The following PCID2 variants were observed in gnomAD, a reference collection of about 807,000 sequenced individuals.
PCID2 encodes PCI domain-containing protein 2.
Under a neutral mutation model 61.3 loss-of-function variants are expected in PCID2, and 41 were observed. The observed-to-expected ratio is 0.67, with a 90% CI of 0.52 to 0.87. The LOEUF (loss-of-function observed/expected upper bound fraction) is 0.87. PCID2 is among the 40% of genes least tolerant of loss of function. The probability of loss-of-function intolerance (pLI) is 0.00; values close to 1 mark genes in which losing one functional copy is unlikely to be tolerated. For synonymous variants in PCID2, 187 were observed against 177.8 expected (o/e 1.05, Z -0.41); for missense variants, 392 against 493.4 (o/e 0.79, Z 1.95).
At chr13:113,206,385 AC>A (rs2039820733) in intron 1 of PCID2, among the ~76,000 whole-genome samples, 1 of 152,140 alleles carries the variant, frequency 6.6e-6, no homozygotes, top group East Asian at 1.9e-4. Context: ...ATCAACCAGT[AC>A]CTGCAGCAGG....
chr13:113,197,335 T>TG, intron 3 of PCID2, 92 bp from the exon 4 acceptor site: 1 of 869,760 alleles, frequency 1.1e-6, no homozygotes, highest in Non-Finnish European at 1.9e-6. Context: ...CAGGTCCCAG[T>TG]GGTCCTGGGA....
intron 4 of PCID2, chr13:113,196,962 G>T: frequency 8.2e-7 from 1 of 1,216,858 alleles, no homozygotes; most frequent in Non-Finnish European, 1.2e-6. Context: ...TTCCTAACCA[G>T]TGTTCTTCCT....
the PCID2 span, among the ~76,000 whole-genome samples, chr13:113,165,866 T>C: frequency 1.3e-5 from 2 of 152,176 alleles, no homozygotes; most frequent in African/African-American, 4.8e-5. Context: ...ATGGTCACTC[T>C]TGACACATAA....
At position 113,180,193 on chromosome 13, in the gene PCID2, G is replaced by A; in HGVS notation, c.825C>T (p.His275=). Residue 275 remains histidine (H), a synonymous_variant, in exon 11 of 14, where the codon CAC becomes CAT. Transcript: ENST00000337344. The part of the protein sequence containing the change: ...MPTVELLKKY[H]LMQFAEVTRA... ...TGGTTACTTCCGCAAACTGCATCAG[G>A]TGATACTTTTTCAGGAGCTCCACAG... is the stretch of plus-strand genomic sequence containing the variant. 6.2e-7 allele frequency: 1 copy of A among 1,613,916 alleles called. No homozygotes were observed. The highest frequency in any genetic ancestry group is 8.5e-7 in the Non-Finnish European group (1 of 1,179,856).
At chr13:113,170,622 T>C in the PCID2 span, 3 of 829,942 alleles carry the variant, frequency 3.6e-6, no homozygotes, top group Non-Finnish European at 6.3e-6. Flanking sequence ...CTGGACTGTT[T>C]CTAATGCAAC....
At chr13:113,176,152 C>T (rs1161420958), downstream of PCID2, among the ~76,000 whole-genome samples, 2 of 152,186 alleles carry the variant, frequency 1.3e-5, no homozygotes, top group African/African-American at 2.4e-5. Flanking sequence ...CTGCGCCGCG[C>T]GGCCCGGAGA....
rs768260894 is a variant in PCID2, at chr13:113,195,099, G to A, written c.335C>T (p.Ala112Val). The A allele has an allele frequency of 1.2e-6, 2 of 1,610,910 alleles. No homozygotes were observed. Among genetic ancestry groups the A allele is most frequent in the Non-Finnish European group, 1.7e-6 (2 of 1,177,034 alleles). Residue 112 changes from alanine (A) to valine (V), a missense_variant, in exon 6 of 14, where the codon GCG becomes GTG. Physicochemically the swap from Ala to Val is moderately conservative, Grantham distance 64 (BLOSUM62 0). Transcript: ENST00000337344. ...ATTGGCAAACACTCGAAGGTCAAGC[G>A]CTACTGCATACATGACAGGCAGAGC... ...NWALPVMYAV[A>V]LDLRVFANNA...
At chr13:113,197,329 T>A in intron 3 of PCID2, 86 bp from the exon 4 acceptor site, 1 of 893,664 alleles carries the variant, frequency 1.1e-6, no homozygotes, top group Non-Finnish European at 1.9e-6. Context: ...ATTGCACAGG[T>A]CCCAGTGGTC....
the PCID2 span, among the ~76,000 whole-genome samples, chr13:113,168,338 GC>G: frequency 1.3e-5 from 2 of 152,166 alleles, no homozygotes; most frequent in South Asian, 4.1e-4. Flanking sequence ...TATCTGCTGT[GC>G]TGTGAGGCGT....
At chr13:113,171,455 C>A in the PCID2 span, 1 of 1,007,854 alleles carries the variant, frequency 9.9e-7, no homozygotes, top group Non-Finnish European at 1.5e-6. The surrounding 1 kb of genome is among the most constrained non-coding windows in gnomAD (Gnocchi z 5.1). Flanking sequence ...GCACAGTGTC[C>A]ACACCACGGG....
At chr13:113,170,353 T>C in the PCID2 span, 1 of 1,058,860 alleles carries the variant, frequency 9.4e-7, no homozygotes, top group South Asian at 1.3e-5. Context: ...CAGTAGACTT[T>C]ACTGCCCCTA....
At chr13:113,177,020 C>T (rs557426110), downstream of PCID2, among the ~76,000 whole-genome samples, 5 of 152,326 alleles carry the variant, frequency 3.3e-5, no homozygotes, top group East Asian at 3.9e-4. Context: ...TCAACCTCGC[C>T]GTGGTGCCGA....
rs2037389353 is a variant in PCID2 at position 113,179,160 on chromosome 13, C to T, written c.987-71G>A. ...AATACTCCACAGCCAAGAAAAGGCA[C>T]CTCTTAATAAGCCGGTGTTCTAAAG... On this transcript the variant is annotated intron_variant, in intron 12 of 13. Transcript: ENST00000337344. The surrounding 1 kb of genome is among the most constrained non-coding windows in gnomAD (Gnocchi z 4.3). The T allele has an allele frequency of 7.1e-7, 1 of 1,400,028 alleles. No homozygotes were observed. Among genetic ancestry groups the T allele is most frequent in the Middle Eastern group, 1.9e-4 (1 of 5,332 alleles). The allele number at this position is 1,400,028 out of a possible 1,614,324, so 86.7% of individuals were successfully genotyped here.
chr13:113,186,083 CA>C (rs2038087741), intron 7 of PCID2: 1 of 154,366 alleles, frequency 6.5e-6, no homozygotes. Flanking sequence ...TACGACAAAA[CA>C]AACCAGTAAA....
intron 1 of PCID2, among the ~76,000 whole-genome samples, chr13:113,206,858 G>A (rs998419795): frequency 2.6e-5 from 4 of 152,170 alleles, no homozygotes; most frequent in African/African-American, 9.7e-5. Flanking sequence ...CCCAGCCCCT[G>A]TCTACTCTCT....
intron 6 of PCID2, among the ~76,000 whole-genome samples, chr13:113,193,123 G>A (rs536335804): frequency 3.3e-5 from 5 of 152,282 alleles, no homozygotes; most frequent in Admixed American, 2.0e-4. Flanking sequence ...CCAGTTTATA[G>A]TATTTTCTTA....
chr13:113,203,446 A>C (rs1187746316), intron 1 of PCID2, among the ~76,000 whole-genome samples: 1 of 152,210 alleles, frequency 6.6e-6, no homozygotes, highest in East Asian at 1.9e-4. Flanking sequence ...GATTTCATCT[A>C]AAAGGTAGAC....
chr13:113,205,164 G>T (rs2039716406), intron 1 of PCID2, among the ~76,000 whole-genome samples: 1 of 152,156 alleles, frequency 6.6e-6, no homozygotes, highest in Admixed American at 6.5e-5. Flanking sequence ...ACAATATGAA[G>T]AACTACTGAA....
intron 9 of PCID2, chr13:113,183,709 A>G (rs1419847997): frequency 1.0e-6 from 1 of 955,470 alleles, no homozygotes; most frequent in African/African-American, 1.8e-5. Context: ...ACAAGAGAAG[A>G]GATCACCAAG....
Sources: gnomAD v4.1 joint callset for allele counts (sites outside exome capture counted in the v4.1 genomes callset) on GRCh38, gnomAD v4.1.1 for gene constraint, Gnocchi (gnomAD v3.1) non-coding constraint, MANE v1.5 for transcripts, NCBI Gene and HGNC (gene_info 2026-07-23, HGNC 2026-07-21) for gene names.